Variants in CALN1 observed in about 807,000 individuals in gnomAD.
CALN1 encodes calcium-binding protein 8.
Under a neutral mutation model 30.6 loss-of-function variants are expected in CALN1, and 17 were observed. The observed-to-expected ratio is 0.56, with a 90% CI of 0.38 to 0.83. The LOEUF (loss-of-function observed/expected upper bound fraction) is 0.83, where lower values mean the gene tolerates loss of function less well. Among genes scored for constraint, CALN1 ranks in the 40% least tolerant of loss-of-function variants. The probability of loss-of-function intolerance (pLI) is 0.00; values close to 1 mark genes in which losing one functional copy is unlikely to be tolerated. For synonymous variants in CALN1, 156 were observed against 131.4 expected (o/e 1.19, Z -1.28); for missense variants, 291 against 354.9 (o/e 0.82, Z 1.45).
At chr7:72,387,522 GTGACAGTCA>G (rs1394143328) in intron 2 of CALN1, among the ~76,000 whole-genome samples, 1 of 152,064 alleles carries the variant, frequency 6.6e-6, no homozygotes, top group Non-Finnish European at 1.5e-5. Context: ...AACATCAACG[GTGACAGTCA>G]TGTTGACAGT....
intron 5 of CALN1, among the ~76,000 whole-genome samples, chr7:71,930,074 T>C (rs530344894): frequency 6.6e-5 from 10 of 152,350 alleles, no homozygotes; most frequent in South Asian, 2.1e-4. Flanking sequence ...GTAAATGTTA[T>C]GTAAATAGTT....
chr7:72,019,242 C>T (rs1800573555), intron 5 of CALN1, among the ~76,000 whole-genome samples: 2 of 152,102 alleles, frequency 1.3e-5, no homozygotes, highest in Non-Finnish European at 2.9e-5. Context: ...TAGGTTTCCT[C>T]TAAGGTAGGA....
chr7:72,161,878 A>G (rs1788137990), intron 3 of CALN1, among the ~76,000 whole-genome samples: 1 of 151,976 alleles, frequency 6.6e-6, no homozygotes, highest in Admixed American at 6.6e-5. Flanking sequence ...TACGTAACAA[A>G]CCTGCATATC....
intron 3 of CALN1, among the ~76,000 whole-genome samples, chr7:72,249,647 C>T (rs1341723654): frequency 1.3e-5 from 2 of 152,102 alleles, no homozygotes; most frequent in Middle Eastern, 3.2e-3. Flanking sequence ...ACAAAAAATA[C>T]AAAAATTAGC....
At chr7:72,197,535 G>A (rs957957761) in intron 3 of CALN1, among the ~76,000 whole-genome samples, 4 of 152,086 alleles carry the variant, frequency 2.6e-5, no homozygotes, top group African/African-American at 9.7e-5. Context: ...CATTATGGCC[G>A]AAGAATGTGG....
intron 3 of CALN1, among the ~76,000 whole-genome samples, chr7:72,243,399 T>C (rs1794966834): frequency 6.6e-6 from 1 of 152,194 alleles, no homozygotes; most frequent in Non-Finnish European, 1.5e-5. Context: ...AAACTGACCA[T>C]GATAAGAAGT....
At chr7:72,296,324 CT>C (rs1215363590) in intron 2 of CALN1, among the ~76,000 whole-genome samples, 4 of 140,132 alleles carry the variant, frequency 2.9e-5, no homozygotes, top group Non-Finnish European at 4.7e-5. Flanking sequence ...CTAAAATTCT[CT>C]TTTTTGGTTG....
chr7:72,173,197 C>T (rs572451187), intron 3 of CALN1, among the ~76,000 whole-genome samples: 1 of 151,762 alleles, frequency 6.6e-6, no homozygotes, highest in South Asian at 2.1e-4. Context: ...AAATCAATTC[C>T]ATCTGCAGTA....
At chr7:71,841,165 C>T (rs1335626092) in intron 5 of CALN1, among the ~76,000 whole-genome samples, 1 of 152,122 alleles carries the variant, frequency 6.6e-6, no homozygotes, top group Non-Finnish European at 1.5e-5. Flanking sequence ...GATGCAACAA[C>T]GGTTCTCCAA....
chr7:72,124,994 T>G (rs569611239), intron 3 of CALN1, among the ~76,000 whole-genome samples: 1 of 152,142 alleles, frequency 6.6e-6, no homozygotes, highest in Non-Finnish European at 1.5e-5. Context: ...CTAGTTCAAG[T>G]GAATATCACC....
At chr7:72,248,049 A>C (rs1325682508) in intron 3 of CALN1, among the ~76,000 whole-genome samples, 2 of 152,230 alleles carry the variant, frequency 1.3e-5, no homozygotes, top group Non-Finnish European at 2.9e-5. Flanking sequence ...TCTGGAAGTC[A>C]GAAGTCCTGA....
In CALN1 at chr7:72,205,551, A is replaced by AAATATATACATACATATATATATAT; in HGVS notation, c.244+73134_244+73135insATATATATATATGTATGTATATATT. Among the ~76,000 whole-genome samples the AAATATATACATACATATATATATAT allele has an allele frequency of 1.2e-3, 96 of 83,020 alleles. 2 individuals are homozygous for AAATATATACATACATATATATATAT. The highest frequency in any genetic ancestry group is 6.0e-3 in the African/African-American group (80 of 13,424). 54.5% of individuals were successfully genotyped at this position (83,020 alleles called of 152,430 possible). A position where few individuals can be genotyped will look rare whatever the true frequency, so the allele number is the denominator to read the frequency against. ...ATTTTTCTCCTGATTGCAAAAAAAA[A>AAATATATACATACATATATATATAT]ATATATATATATATATGTATATATA... On this transcript the variant is annotated intron_variant, in intron 3 of 6. Coordinates refer to ENST00000395275, the MANE Select transcript of CALN1 (RefSeq NM_031468.4).
intron 6 of CALN1, 114 bp from the exon 7 acceptor site, chr7:71,788,016 G>T: frequency 7.1e-7 from 1 of 1,402,472 alleles, no homozygotes; most frequent in Non-Finnish European, 9.8e-7. Context: ...CCAGCAGTGA[G>T]TCCTATAGGA....
chr7:71,875,512 G>A (rs1792192554), intron 5 of CALN1, among the ~76,000 whole-genome samples: 1 of 152,172 alleles, frequency 6.6e-6, no homozygotes, highest in Admixed American at 6.5e-5. Flanking sequence ...GTAATTGAGG[G>A]TCTGGGTCAT....
At chr7:72,403,491 A>C (rs559607838) in intron 1 of CALN1, 49 bp from the exon 2 acceptor site, 18 of 689,024 alleles carry the variant, frequency 2.6e-5, no homozygotes, top group Non-Finnish European at 3.7e-5. Context: ...CTGGGCGATT[A>C]TTCTTCTCAA....
chr7:71,997,677 C>T (rs1174712918), intron 5 of CALN1, among the ~76,000 whole-genome samples: 2 of 151,824 alleles, frequency 1.3e-5, no homozygotes, highest in Non-Finnish European at 2.9e-5. Context: ...AGAAAGCATC[C>T]AGAAAGAAAT....
intron 2 of CALN1, among the ~76,000 whole-genome samples, chr7:72,326,440 G>A (rs150438872): frequency 1.6e-4 from 24 of 152,318 alleles, no homozygotes; most frequent in African/African-American, 5.5e-4. Context: ...TAAGCACTAA[G>A]CTAGTTTGCC....
intron 2 of CALN1, among the ~76,000 whole-genome samples, chr7:72,393,526 C>T (rs984990734): frequency 4.6e-5 from 7 of 152,148 alleles, no homozygotes; most frequent in African/African-American, 1.7e-4. Flanking sequence ...ATGTTTTTAA[C>T]AGTACAATGT....
intron 2 of CALN1, among the ~76,000 whole-genome samples, chr7:72,279,720 G>C (rs543416726): frequency 6.6e-6 from 1 of 152,338 alleles, no homozygotes; most frequent in African/African-American, 2.4e-5. Flanking sequence ...CAGATGGGAA[G>C]ATTATCTTCT....
Sources: gnomAD v4.1 joint callset for allele counts (sites outside exome capture counted in the v4.1 genomes callset) on GRCh38, gnomAD v4.1.1 for gene constraint, MANE v1.5 for transcripts, NCBI Gene and HGNC (gene_info 2026-07-23, HGNC 2026-07-21) for gene names.